Variants in DMD observed in about 807,000 individuals in gnomAD.
DMD encodes mutant dystrophin.
DMD carries 63 observed loss-of-function variants against 330.1 expected under a neutral mutation model. The ratio of observed to expected loss-of-function variants is 0.19; its 90% confidence interval spans 0.16 to 0.24. The LOEUF is 0.24. Among genes scored for constraint, DMD ranks in the 10% least tolerant of loss-of-function variants. DMD has a pLI of 1.00. For synonymous variants in DMD, 1,223 were observed against 959.8 expected (o/e 1.27, Z -5.07); for missense variants, 3,344 against 2,684.1 (o/e 1.25, Z -5.43).
intron 1 of DMD, among the ~76,000 whole-genome samples, chrX:33,143,572 T>C (rs1365512333): frequency 9.0e-6 from 1 of 111,338 alleles, no homozygotes. Context: ...TTCCCTTATT[T>C]AGGGTAGAGG....
At chrX:32,833,654 C>T (rs1366825850) in intron 4 of DMD, among the ~76,000 whole-genome samples, 3 of 101,203 alleles carry the variant, frequency 3.0e-5, no homozygotes, top group Non-Finnish European at 6.0e-5. Context: ...CATATAGCCC[C>T]AACTTTTTAA....
intron 45 of DMD, among the ~76,000 whole-genome samples, chrX:31,932,853 T>C (rs1051356128): frequency 1.4e-4 from 16 of 112,662 alleles, no homozygotes; most frequent in Non-Finnish European, 2.6e-4. Context: ...GCAAGGTTTC[T>C]CAACTTTAGC....
intron 44 of DMD, among the ~76,000 whole-genome samples, chrX:31,990,758 C>T (rs1009113304): frequency 8.9e-6 from 1 of 111,917 alleles, no homozygotes; most frequent in Non-Finnish European, 1.9e-5. Flanking sequence ...ACACATCCTA[C>T]CACGTGTAAA....
intron 1 of DMD, among the ~76,000 whole-genome samples, chrX:33,059,617 C>T (rs1360285605): frequency 9.0e-6 from 1 of 111,596 alleles, no homozygotes; most frequent in Non-Finnish European, 1.9e-5. Context: ...ACCTACCTTG[C>T]AGTACTTTTG....
At chrX:31,825,676 A>G (rs1304811459) in intron 49 of DMD, among the ~76,000 whole-genome samples, 1 of 112,015 alleles carries the variant, frequency 8.9e-6, no homozygotes, top group Admixed American at 9.5e-5. Context: ...TTTGAATTTC[A>G]TGTTCCTCAT....
upstream of DMD, among the ~76,000 whole-genome samples, chrX:33,214,844 G>A (rs1293873746): frequency 9.0e-6 from 1 of 111,323 alleles, no homozygotes; most frequent in East Asian, 2.8e-4. Context: ...TTAGAGACAG[G>A]GTCTTGTTAT....
intron 67 of DMD, among the ~76,000 whole-genome samples, chrX:31,195,627 T>C (rs917701080): frequency 3.7e-5 from 4 of 109,482 alleles, no homozygotes; most frequent in African/African-American, 1.3e-4. Context: ...AACAGAGCTG[T>C]GGTTTCCAGA....
At chrX:32,797,859 T>C (rs1467850970) in intron 7 of DMD, among the ~76,000 whole-genome samples, 1 of 111,402 alleles carries the variant, frequency 9.0e-6, no homozygotes, top group Non-Finnish European at 1.9e-5. Context: ...TGAAAAGAGA[T>C]TCTCAGTTAT....
intron 62 of DMD, among the ~76,000 whole-genome samples, chrX:31,296,592 C>T (rs1012046020): frequency 2.7e-5 from 3 of 111,756 alleles, no homozygotes. Context: ...TTTTAAAACC[C>T]TACCTAAAGG....
intron 2 of DMD, among the ~76,000 whole-genome samples, chrX:33,018,039 T>C (rs971317655): frequency 8.0e-5 from 9 of 112,588 alleles, no homozygotes; most frequent in Middle Eastern, 4.6e-3. Context: ...AAGAATGCAG[T>C]CACTTAGCTA....
chrX:32,503,207 C>A (rs1321869921), intron 18 of DMD, among the ~76,000 whole-genome samples: 2 of 110,614 alleles, frequency 1.8e-5, no homozygotes, highest in African/African-American at 3.3e-5. Flanking sequence ...AATCGAGAGA[C>A]CTCCATCTCT....
intron 2 of DMD, among the ~76,000 whole-genome samples, chrX:32,952,897 G>GT (rs2091331897): frequency 9.1e-6 from 1 of 110,346 alleles, no homozygotes; most frequent in East Asian, 2.9e-4. Flanking sequence ...CATTTTGGAA[G>GT]GCCAAGACGG....
intron 2 of DMD, among the ~76,000 whole-genome samples, chrX:32,993,822 G>T (rs936828992): frequency 2.0e-4 from 22 of 110,289 alleles, no homozygotes; most frequent in Admixed American, 1.7e-3. Context: ...CTATCACAAG[G>T]TTCATAGCTG....
intron 78 of DMD, 121 bp downstream of exon 78, chrX:31,126,521 G>T: frequency 1.6e-6 from 1 of 608,626 alleles, no homozygotes; most frequent in Non-Finnish European, 2.8e-6. Context: ...ATCCTTACAT[G>T]ATGACACAAT....
chrX:31,594,898 T>C (rs2077044138), intron 55 of DMD, among the ~76,000 whole-genome samples: 1 of 111,430 alleles, frequency 9.0e-6, no homozygotes, highest in African/African-American at 3.3e-5. Flanking sequence ...AAATTAACAA[T>C]TTATTTAGTC....
At chrX:33,330,943 T>C (rs2054163932) in intron 1 of DMD, among the ~76,000 whole-genome samples, 1 of 111,893 alleles carries the variant, frequency 8.9e-6, no homozygotes, top group Non-Finnish European at 1.9e-5. Flanking sequence ...GGGTTCACAG[T>C]TGCTGTTGCT....
chrX:32,610,564 A>T (rs1233573507), intron 12 of DMD, among the ~76,000 whole-genome samples: 2 of 111,294 alleles, frequency 1.8e-5, no homozygotes, highest in Non-Finnish European at 3.8e-5. Context: ...CAAGATTTGC[A>T]AACATTTTAA....
intron 43 of DMD, among the ~76,000 whole-genome samples, chrX:32,283,645 C>T (rs1377468083): frequency 8.9e-6 from 1 of 111,959 alleles, no homozygotes; most frequent in Non-Finnish European, 1.9e-5. Flanking sequence ...GTTCTGTGGC[C>T]TAAACCTGTA....
At chrX:32,514,424 T>G (rs767604218) in intron 18 of DMD, among the ~76,000 whole-genome samples, 4 of 112,088 alleles carry the variant, frequency 3.6e-5, no homozygotes, top group African/African-American at 6.5e-5. Flanking sequence ...GGAAAGCTTA[T>G]GAAGAACTGC....
Sources: allele counts gnomAD v4.1 joint callset (sites outside exome capture counted in the v4.1 genomes callset), GRCh38; gene constraint gnomAD v4.1.1; transcripts MANE v1.5; gene names NCBI Gene and HGNC (gene_info 2026-07-23, HGNC 2026-07-21).